Variants in FAM3C observed in about 807,000 individuals in gnomAD.
The protein encoded by FAM3C is protein FAM3C.
In FAM3C, 15 loss-of-function variants were observed where a neutral mutation model predicts 32.5. The observed-to-expected ratio is 0.46, with a 90% CI of 0.31 to 0.71. FAM3C has a LOEUF of 0.71. Among genes scored for constraint, FAM3C ranks in the 30% least tolerant of loss-of-function variants. The pLI is 0.05. For synonymous variants in FAM3C, 75 were observed against 86.1 expected, an observed-to-expected ratio of 0.87 and a Z score of 0.72; for missense variants, 175 against 274.4, an observed-to-expected ratio of 0.64 and a Z score of 2.56.
intron 5 of FAM3C, among the ~76,000 whole-genome samples, chr7:121,367,149 AAT>A (rs1794037848): frequency 6.6e-6 from 1 of 152,186 alleles, no homozygotes; most frequent in South Asian, 2.1e-4. Flanking sequence ...CACAAGTTGA[AAT>A]ATTTTCTTTT....
intron 8 of FAM3C, among the ~76,000 whole-genome samples, chr7:121,354,149 G>T (rs1319952374): frequency 6.6e-6 from 1 of 151,994 alleles, no homozygotes; most frequent in East Asian, 1.9e-4. Context: ...GTATTTAATT[G>T]AATATACAGG....
At chr7:121,361,985 T>A (rs1793935861) in intron 7 of FAM3C, among the ~76,000 whole-genome samples, 1 of 152,206 alleles carries the variant, frequency 6.6e-6, no homozygotes, top group East Asian at 1.9e-4. Flanking sequence ...CTACATACCA[T>A]CTTATTACAA....
chr7:121,355,734 T>C (rs1434477749), intron 8 of FAM3C, among the ~76,000 whole-genome samples: 1 of 152,204 alleles, frequency 6.6e-6, no homozygotes, highest in African/African-American at 2.4e-5. Context: ...TGGCAACTGT[T>C]TGAAAAGTAG....
At chr7:121,369,698 G>A (rs1219738495) in intron 5 of FAM3C, among the ~76,000 whole-genome samples, 1 of 152,168 alleles carries the variant, frequency 6.6e-6, no homozygotes, top group East Asian at 1.9e-4. Context: ...TAGGCTGAGG[G>A]ATAGAGAACA....
At chr7:121,383,279 T>C (rs1023133797) in intron 1 of FAM3C, among the ~76,000 whole-genome samples, 3 of 152,138 alleles carry the variant, frequency 2.0e-5, no homozygotes. Context: ...TAGAAGAGAA[T>C]GCCTTCTTAT....
At chr7:121,357,796 T>C (rs763722640) in intron 8 of FAM3C, among the ~76,000 whole-genome samples, 1 of 152,144 alleles carries the variant, frequency 6.6e-6, no homozygotes, top group Non-Finnish European at 1.5e-5. Flanking sequence ...CACCAAAAAA[T>C]AGCAGTTGAA....
At chr7:121,379,560 T>A (rs1229864751) in intron 2 of FAM3C, among the ~76,000 whole-genome samples, 2 of 152,156 alleles carry the variant, frequency 1.3e-5, no homozygotes, top group Non-Finnish European at 2.9e-5. Context: ...TTCCTCTTCA[T>A]ACTTAATACC....
chr7:121,374,088 C>T (rs1388067949), intron 3 of FAM3C, among the ~76,000 whole-genome samples: 1 of 151,942 alleles, frequency 6.6e-6, no homozygotes, highest in Non-Finnish European at 1.5e-5. Flanking sequence ...CACTTACTAG[C>T]TAAGTATTCA....
At chr7:121,367,307 T>C (rs1038166139) in intron 5 of FAM3C, among the ~76,000 whole-genome samples, 68 of 152,232 alleles carry the variant, frequency 4.5e-4, no homozygotes, top group African/African-American at 1.6e-3. Flanking sequence ...TTAGTTATTA[T>C]CTCTTAAGAT....
intron 5 of FAM3C, among the ~76,000 whole-genome samples, chr7:121,370,661 T>C (rs555137762): frequency 7.4e-4 from 113 of 152,250 alleles, no homozygotes; most frequent in Non-Finnish European, 1.4e-3. Flanking sequence ...CATCTCAACA[T>C]AGGAAACCAT....
rs191618878 is a variant in FAM3C, at chr7:121,372,112, C to T, written c.146G>A (p.Arg49His). The change falls in exon 4 of 10, where the codon CGT (arginine) becomes CAT (histidine). Residue 49 changes from arginine to histidine, a missense_variant and splice_region_variant. Transcript: ENST00000359943. Reference protein sequence around the residue: ...FARSALDTAARSTKPPRYKCG... With the variant: ...FARSALDTAAHSTKPPRYKCG... ...AAATATTGAGATGAAATACTTACAA[C>T]GTGCAGCTGTGTCCAATGCTGATCT... 37 of 1,604,630 alleles carry T rather than the reference C, an allele frequency of 2.3e-5. No individual in the cohort carries two copies. The highest frequency in any genetic ancestry group is 1.5e-4 in the African/African-American group (11 of 74,604).
chr7:121,371,351 GC>G lies in FAM3C; in HGVS notation c.220del (p.Ala74GlnfsTer19). The G allele has an allele frequency of 6.2e-7, 1 of 1,613,728 alleles. No homozygotes were observed. ...CPEKHFAFKM[A>X]SGAANVVGPK... The stretch of plus-strand genomic sequence containing the variant: ...TCCCACCACGTTGGCTGCTCCACTT[GC>G]CATTTTAAAAGCAAAATGCTTCTCA... On this transcript the variant is annotated frameshift_variant, in exon 5 of 10. Transcript: ENST00000359943. LOFTEE classifies it high-confidence loss of function.
chr7:121,371,403 T>G lies in FAM3C; in HGVS notation c.169A>C (p.Lys57Gln). The G allele has an allele frequency of 6.2e-7, 1 of 1,613,926 alleles. No homozygotes were observed. Residue 57 changes from lysine (K) to glutamine (Q), a missense_variant, in exon 5 of 10, where the codon AAG becomes CAG. Transcript: ENST00000359943. Reference sequence around the variant, plus strand: ...GGGCAAGCTTTTGAGATCCCACACTTATATCTGGGAGGCTTTGTAGCTTTG... The same window carrying G: ...GGGCAAGCTTTTGAGATCCCACACTGATATCTGGGAGGCTTTGTAGCTTTG... ...AARSTKPPRY[K>Q]CGISKACPEK...
chr7:121,360,941 T>C (rs1031581784), intron 7 of FAM3C, among the ~76,000 whole-genome samples: 1 of 152,220 alleles, frequency 6.6e-6, no homozygotes, highest in African/African-American at 2.4e-5. Context: ...TTCTCAAAGA[T>C]ATCTGTAATT....
At chr7:121,351,413 T>A in intron 8 of FAM3C, 144 bp from the exon 9 acceptor site, 1 of 646,266 alleles carries the variant, frequency 1.5e-6, no homozygotes, top group Non-Finnish European at 2.4e-6. Context: ...TTTTCAGAGT[T>A]ACATTTCTAC....
chr7:121,355,439 CA>C (rs1301134350), intron 8 of FAM3C, among the ~76,000 whole-genome samples: 1 of 152,042 alleles, frequency 6.6e-6, no homozygotes, highest in African/African-American at 2.4e-5. Flanking sequence ...GAATTCCTAC[CA>C]AAATCCTTGA....
Position 121,371,313 on chromosome 7 carries a change from G to T in FAM3C, c.259C>A (p.Leu87Met). Reference protein sequence around the residue: ...AANVVGPKICLEDNVLMSGVK... With the variant: ...AANVVGPKICMEDNVLMSGVK... ...ACAAAGACTTACACATTATCTTCCAGGCAGATTTTGGGTCCCACCACGTTG... is the reference window on the plus strand; with the variant it reads ...ACAAAGACTTACACATTATCTTCCATGCAGATTTTGGGTCCCACCACGTTG... The change falls in exon 5 of 10, where the codon CTG (leucine) becomes ATG (methionine). Residue 87 changes from leucine (L) to methionine (M), a missense_variant. Transcript: ENST00000359943. The T allele has an allele frequency of 6.2e-7, 1 of 1,613,108 alleles. No individual in the cohort carries two copies. The highest frequency in any genetic ancestry group is 8.5e-7 in the Non-Finnish European group (1 of 1,179,854).
At chr7:121,359,754 A>G (rs982183236) in intron 8 of FAM3C, among the ~76,000 whole-genome samples, 3 of 152,106 alleles carry the variant, frequency 2.0e-5, no homozygotes, top group Non-Finnish European at 4.4e-5. Flanking sequence ...TAAAAATGCT[A>G]TTGAAGAATA....
chr7:121,350,480 A>G lies in FAM3C; in HGVS notation c.665T>C (p.Ile222Thr), dbSNP rs755107462. 1 of 1,611,694 alleles carries G rather than the reference A, an allele frequency of 6.2e-7. No homozygotes were observed. The highest frequency in any genetic ancestry group is 8.5e-7 in the Non-Finnish European group (1 of 1,179,234). The change falls in exon 10 of 10, where the codon ATC (isoleucine) becomes ACC (threonine). Residue 222 changes from isoleucine to threonine, a missense_variant. By Grantham distance (89) the Ile-to-Thr change is moderately conservative. Transcript: ENST00000359943. ...TTTCCATTAGTCTTGCTTCTGGGGGATGCATCCTTCCATTTCTACAACTTC... is the reference window on the plus strand; with the variant it reads ...TTTCCATTAGTCTTGCTTCTGGGGGGTGCATCCTTCCATTTCTACAACTTC... The part of the protein sequence containing the change: ...WPEVVEMEGC[I>T]PQKQD
Sources: allele counts gnomAD v4.1 joint callset (sites outside exome capture counted in the v4.1 genomes callset), GRCh38; gene constraint gnomAD v4.1.1; transcripts MANE v1.5; gene names NCBI Gene and HGNC (gene_info 2026-07-23, HGNC 2026-07-21).